The following GSE1 variants were observed in gnomAD, a reference collection of about 807,000 sequenced individuals.
GSE1 encodes the protein genetic suppressor element 1.
In GSE1, 32 loss-of-function variants were observed where a neutral mutation model predicts 112.6. The ratio of observed to expected loss-of-function variants is 0.28; its 90% CI spans 0.21 to 0.38. The LOEUF (loss-of-function observed/expected upper bound fraction) is 0.38, where lower values mean the gene tolerates loss of function less well. Ranked by LOEUF, GSE1 falls within the 10% of genes least tolerant of loss-of-function variation. The probability of loss-of-function intolerance (pLI) is 1.00; values close to 1 mark genes in which losing one functional copy is unlikely to be tolerated. For missense variants in GSE1, 2,348 were observed against 1,699.2 expected (o/e 1.38, Z -6.71); for synonymous variants, 1,115 against 735.6 (o/e 1.52, Z -8.35).
intron 1 of GSE1, among the ~76,000 whole-genome samples, chr16:85,568,831 G>A (rs912811927): frequency 1.3e-5 from 2 of 152,176 alleles, no homozygotes; most frequent in Non-Finnish European, 2.9e-5. Context: ...GATCACCCTG[G>A]GTTCACAGCG....
intron 1 of GSE1, among the ~76,000 whole-genome samples, chr16:85,206,382 T>A (rs1474038688): frequency 6.6e-6 from 1 of 152,154 alleles, no homozygotes; most frequent in Non-Finnish European, 1.5e-5. Flanking sequence ...AGAAGCCTTG[T>A]GTTCCAGCAA....
At position 85,404,164 on chromosome 16, in the gene GSE1, C is replaced by T. The variant is rs1396522150; in HGVS notation, c.2464+46521C>T. On this transcript the variant is annotated intron_variant, in intron 2 of 2. Transcript: ENST00000637419. The stretch of plus-strand genomic sequence containing the variant: ...ATAATCCACACCGTTACACTCAGGG[C>T]CCCCCGGATAATCCTCACCGTTACA... 3.5e-5 allele frequency among the ~76,000 whole-genome samples: 3 copies of T among 86,436 alleles called. 1 individual carries two copies. The highest frequency in any genetic ancestry group is 7.2e-5 in the Non-Finnish European group (3 of 41,660). 56.7% of individuals were successfully genotyped at this position (86,436 alleles called of 152,430 possible).
intron 2 of GSE1, among the ~76,000 whole-genome samples, chr16:85,521,915 G>A (rs1047035059): frequency 3.3e-5 from 5 of 152,216 alleles, no homozygotes; most frequent in Non-Finnish European, 7.4e-5. Flanking sequence ...AAGTGTTCCC[G>A]TGACAGAGCG....
chr16:85,501,709 C>G (rs1245000737), intron 2 of GSE1, among the ~76,000 whole-genome samples: 1 of 152,180 alleles, frequency 6.6e-6, no homozygotes, highest in Non-Finnish European at 1.5e-5. Flanking sequence ...TTCAGCATAT[C>G]TTTTGGAGGT....
intron 1 of GSE1, among the ~76,000 whole-genome samples, chr16:85,297,924 T>C (rs1327530147): frequency 6.6e-6 from 1 of 152,214 alleles, no homozygotes; most frequent in African/African-American, 2.4e-5. Flanking sequence ...TTTTAGTCCC[T>C]GCGTTCCATA....
chr16:85,380,071 TG>T (rs2047512531), intron 2 of GSE1, among the ~76,000 whole-genome samples: 1 of 152,322 alleles, frequency 6.6e-6, no homozygotes, highest in Non-Finnish European at 1.5e-5. Flanking sequence ...TAGAACATTC[TG>T]ATGGGCTAAA....
intron 2 of GSE1, among the ~76,000 whole-genome samples, chr16:85,492,205 G>A (rs556323136): frequency 6.6e-5 from 10 of 152,318 alleles, no homozygotes; most frequent in East Asian, 1.9e-4. Flanking sequence ...GATGGTGAGC[G>A]TGTTTGATCT....
intron 1 of GSE1, among the ~76,000 whole-genome samples, chr16:85,563,821 C>T (rs1598197954): frequency 6.6e-6 from 1 of 152,218 alleles, no homozygotes; most frequent in Non-Finnish European, 1.5e-5. Flanking sequence ...TTGGGGGTCT[C>T]GTGGTCACCT....
At chr16:85,228,565 C>T (rs1420529373) in intron 1 of GSE1, among the ~76,000 whole-genome samples, 1 of 152,222 alleles carries the variant, frequency 6.6e-6, no homozygotes, top group Non-Finnish European at 1.5e-5. Context: ...TCGCCTATCT[C>T]TTGGAGTTGC....
chr16:85,672,385 A>G lies in GSE1; in HGVS notation c.3520-20A>G, dbSNP rs375505614. The G allele has an allele frequency of 9.7e-5, 155 of 1,600,860 alleles. No homozygotes were observed. The African/African-American group carries it at 1.6e-3, about 17-fold the overall frequency. On this transcript the variant is annotated intron_variant, in intron 15 of 15. Transcript: ENST00000253458. ...ACAGAGGAAACGGGTTGGTTTTGAC[A>G]CAAATTTCCCTCTCTCCAGGAGTTG...
chr16:85,668,526 G>C (rs972544811), intron 14 of GSE1, 102 bp downstream of exon 14: 5 of 776,526 alleles, frequency 6.4e-6, no homozygotes, highest in Non-Finnish European at 8.2e-6. Context: ...CCTGGGGACT[G>C]TTTCTCCGTC....
At chr16:85,300,909 AT>A (rs2045505474) in intron 1 of GSE1, among the ~76,000 whole-genome samples, 1 of 152,158 alleles carries the variant, frequency 6.6e-6, no homozygotes, top group East Asian at 1.9e-4. Context: ...GCCTCCCAGA[AT>A]TTGGGGGGAG....
chr16:85,324,977 G>C, intron 1 of GSE1, among the ~76,000 whole-genome samples: 1 of 151,722 alleles, frequency 6.6e-6, no homozygotes, highest in East Asian at 1.9e-4. Context: ...ATTTTTATCC[G>C]TTTTTTTTGA....
chr16:85,626,771 C>T (rs1209205251), intron 1 of GSE1, among the ~76,000 whole-genome samples: 3 of 151,686 alleles, frequency 2.0e-5, no homozygotes, highest in Admixed American at 6.6e-5. Flanking sequence ...TTACGGGATC[C>T]GCGGGAGGCC....
chr16:85,289,868 G>C (rs1027903693), intron 1 of GSE1, among the ~76,000 whole-genome samples: 1 of 152,188 alleles, frequency 6.6e-6, no homozygotes, highest in African/African-American at 2.4e-5. Flanking sequence ...GTTTTACTCA[G>C]AAAGAAGCCC....
At chr16:85,443,679 C>T (rs1323933120) in intron 2 of GSE1, among the ~76,000 whole-genome samples, 1 of 152,242 alleles carries the variant, frequency 6.6e-6, no homozygotes, top group Admixed American at 6.5e-5. Flanking sequence ...AGGTGCAATG[C>T]CACATCCCCA....
intron 1 of GSE1, among the ~76,000 whole-genome samples, chr16:85,195,483 G>C (rs977958274): frequency 6.6e-6 from 1 of 152,164 alleles, no homozygotes; most frequent in African/African-American, 2.4e-5. Flanking sequence ...CACTTGCCTC[G>C]AGTCACGCAG....
chr16:85,462,650 G>A (rs1382083040), intron 2 of GSE1, among the ~76,000 whole-genome samples: 1 of 147,172 alleles, frequency 6.8e-6, no homozygotes, highest in African/African-American at 2.5e-5. Context: ...GCAGGGGAGC[G>A]GAGGCTGCCC....
At position 85,334,196 on chromosome 16, in the gene GSE1, G is replaced by C. The variant is rs536044889; in HGVS notation, c.2284-23267G>C. The stretch of plus-strand genomic sequence containing the variant: ...CACTCCTCTACTCTATGATCGACTT[G>C]GCTCCCTACTGCCCACGGACCTTGC... On this transcript the variant is annotated intron_variant, in intron 1 of 2. Coordinates refer to the GSE1 transcript ENST00000637419. 2.0e-5 allele frequency among the ~76,000 whole-genome samples: 3 copies of C among 152,276 alleles called. No individual in the cohort carries two copies. The East Asian group carries it at 5.8e-4, about 29-fold the overall frequency.
Sources: gnomAD v4.1 joint callset for allele counts (sites outside exome capture counted in the v4.1 genomes callset) on GRCh38, gnomAD v4.1.1 for gene constraint, MANE v1.5 for transcripts, NCBI Gene and HGNC (gene_info 2026-07-23, HGNC 2026-07-21) for gene names.